The following RSBN1L variants were observed in gnomAD, a reference collection of about 807,000 sequenced individuals.
The protein encoded by RSBN1L is round spermatid basic protein 1 like.
RSBN1L carries 30 observed loss-of-function variants against 67.7 expected under a neutral mutation model. The ratio of observed to expected loss-of-function variants is 0.44; its 90% CI spans 0.33 to 0.60. The LOEUF (loss-of-function observed/expected upper bound fraction) is 0.60, where lower values mean the gene tolerates loss of function less well. Among genes scored for constraint, RSBN1L ranks in the 20% least tolerant of loss-of-function variants. The probability of loss-of-function intolerance (pLI) is 0.02; values close to 1 mark genes in which losing one functional copy is unlikely to be tolerated. For synonymous variants in RSBN1L, 433 were observed against 387.0 expected (o/e 1.12, Z -1.39); for missense variants, 992 against 1,031.7 (o/e 0.96, Z 0.53).
At chr7:77,755,583 CTT>C (rs980648869) in intron 3 of RSBN1L, among the ~76,000 whole-genome samples, 14 of 152,122 alleles carry the variant, frequency 9.2e-5, no homozygotes, top group African/African-American at 3.4e-4. Context: ...GGAAGAATCA[CTT>C]GAGCCCTGGA....
chr7:77,777,476 A>G (rs1791933068), intron 6 of RSBN1L, among the ~76,000 whole-genome samples: 2 of 149,938 alleles, frequency 1.3e-5, no homozygotes, highest in South Asian at 4.2e-4. Flanking sequence ...TTTATTTCAC[A>G]TTTTTTGGAG....
chr7:77,712,406 G>A (rs1790987483), intron 1 of RSBN1L, among the ~76,000 whole-genome samples: 1 of 151,758 alleles, frequency 6.6e-6, no homozygotes, highest in South Asian at 2.1e-4. Flanking sequence ...TCTGCCTCCT[G>A]AGTAGCTGGA....
At chr7:77,751,419 C>T (rs1584295820) in intron 3 of RSBN1L, among the ~76,000 whole-genome samples, 2 of 152,274 alleles carry the variant, frequency 1.3e-5, no homozygotes, top group African/African-American at 2.4e-5. Flanking sequence ...GGATTACAGG[C>T]GTGAGCCACC....
chr7:77,739,739 CTTTTTTTTTTTTTTTTT>C (rs1173154183), intron 2 of RSBN1L, among the ~76,000 whole-genome samples: 3 of 42,690 alleles, frequency 7.0e-5, no homozygotes, highest in African/African-American at 2.9e-4. Flanking sequence ...AAAAATGTGT[CTTTTTTTTTTTTTTTTT>C]TTTTTTTTTT....
At chr7:77,772,437 G>A (rs940663316) in intron 5 of RSBN1L, among the ~76,000 whole-genome samples, 5 of 152,212 alleles carry the variant, frequency 3.3e-5, no homozygotes, top group African/African-American at 1.2e-4. Flanking sequence ...AAACTGGAGA[G>A]GTTTCTGCAA....
intron 1 of RSBN1L, among the ~76,000 whole-genome samples, chr7:77,724,425 C>CTTTTTT (rs1791165846): frequency 6.8e-6 from 1 of 146,906 alleles, no homozygotes; most frequent in East Asian, 2.0e-4. Context: ...CTTTCTTTTT[C>CTTTTTT]TTTTTTCTTT....
intron 2 of RSBN1L, among the ~76,000 whole-genome samples, chr7:77,746,186 T>C (rs1485218214): frequency 6.6e-6 from 1 of 152,164 alleles, no homozygotes; most frequent in African/African-American, 2.4e-5. Context: ...GACTGGGTAA[T>C]TTATAAAGAA....
Position 77,752,242 on chromosome 7 carries a change from A to T in RSBN1L, c.1344+2178A>T, listed in dbSNP as rs149926389. Among the ~76,000 whole-genome samples the T allele has an allele frequency of 1.5e-3, 233 of 152,166 alleles. 1 individual carries two copies. The highest frequency in any genetic ancestry group is 5.5e-3 in the African/African-American group (230 of 41,492). ...CAAAGAGGAAACTCCAGGCAGATGG[A>T]TCCTGTTTTTTACCAGTTGTGGTTC... On this transcript the variant is annotated intron_variant, in intron 3 of 7. Coordinates refer to ENST00000334955, the MANE Select transcript of RSBN1L (RefSeq NM_198467.3).
chr7:77,776,153 T>G (rs1213697896), intron 6 of RSBN1L, among the ~76,000 whole-genome samples: 2 of 152,276 alleles, frequency 1.3e-5, no homozygotes, highest in African/African-American at 2.4e-5. Context: ...TGGTTCACTT[T>G]TTTTATATTC....
At chr7:77,747,916 G>A (rs10237176) in intron 2 of RSBN1L, among the ~76,000 whole-genome samples, 4 of 151,172 alleles carry the variant, frequency 2.6e-5, no homozygotes, top group African/African-American at 7.4e-5. Flanking sequence ...CTTCTCGGGG[G>A]GGAGCTCAGG....
chr7:77,761,967 G>A (rs556639356), intron 3 of RSBN1L, among the ~76,000 whole-genome samples: 52 of 152,164 alleles, frequency 3.4e-4, no homozygotes, highest in African/African-American at 4.6e-4. Context: ...GATCATTGCC[G>A]TTTTGTTTTA....
intron 1 of RSBN1L, among the ~76,000 whole-genome samples, chr7:77,703,177 C>T (rs762387774): frequency 1.3e-5 from 2 of 152,060 alleles, no homozygotes; most frequent in Admixed American, 6.6e-5. Flanking sequence ...TGAGGGATAC[C>T]CCTCATCTTG....
At position 77,765,638 on chromosome 7, in the gene RSBN1L, A is replaced by G; in HGVS notation, c.1482+6A>G. On this transcript the variant is annotated splice_donor_region_variant and intron_variant, in intron 4 of 7. Transcript: ENST00000334955. ...AAGAGTCACCATTTTTAAAAGTAAG[A>G]GACAATCTGTCATGGGATTAGAGTT... 6.3e-7 allele frequency: 1 copy of G among 1,586,686 alleles called. No individual in the cohort carries two copies. Among genetic ancestry groups the G allele is most frequent in the East Asian group, 2.3e-5 (1 of 44,434 alleles).
chr7:77,697,051 C>G lies in RSBN1L; in HGVS notation c.582C>G (p.Pro194=), dbSNP rs1444951447. The G allele has an allele frequency of 6.8e-7, 1 of 1,476,478 alleles. No individual in the cohort carries two copies. The highest frequency in any genetic ancestry group is 1.3e-5 in the South Asian group (1 of 77,182). The allele number at this position is 1,476,478 out of a possible 1,614,324, so 91.5% of individuals were successfully genotyped here. A position where few individuals can be genotyped will look rare whatever the true frequency, so the allele number is the denominator to read the frequency against. The change falls in exon 1 of 8, where the codon CCC becomes CCG. Residue 194 remains proline (P), a synonymous_variant. Coordinates refer to ENST00000334955, the MANE Select transcript of RSBN1L (RefSeq NM_198467.3). ...REENGEVKPL[P]RDKIKDKIKE... ...AGAACGGGGAGGTGAAGCCGCTGCC[C>G]CGAGGTGGGTGCCGTGCGGGGAGGG...
At chr7:77,764,157 A>G (rs1416116659) in intron 3 of RSBN1L, among the ~76,000 whole-genome samples, 1 of 152,204 alleles carries the variant, frequency 6.6e-6, no homozygotes, top group Non-Finnish European at 1.5e-5. Context: ...GAAATACAAG[A>G]CTTTCAGTTT....
chr7:77,715,776 C>T lies in RSBN1L; in HGVS notation c.586+18721C>T, dbSNP rs1294765814. On this transcript the variant is annotated intron_variant, in intron 1 of 7. Coordinates refer to ENST00000334955, the MANE Select transcript of RSBN1L (RefSeq NM_198467.3). ...AAGAAAGAATCCTAACTTGATATTG[C>T]CAGTTTAAAAATCTTCAGCCATTCT... Among the ~76,000 whole-genome samples, 4 of 152,248 alleles carry T rather than the reference C, an allele frequency of 2.6e-5. 1 individual carries two copies. The South Asian group carries it at 8.3e-4, about 32-fold the overall frequency.
chr7:77,729,708 T>A (rs1791250178), intron 1 of RSBN1L, among the ~76,000 whole-genome samples: 1 of 152,180 alleles, frequency 6.6e-6, no homozygotes. Flanking sequence ...ATCCCAGCAC[T>A]TTGGGAGGCT....
At chr7:77,714,721 G>A (rs1222263514) in intron 1 of RSBN1L, among the ~76,000 whole-genome samples, 4 of 152,114 alleles carry the variant, frequency 2.6e-5, no homozygotes, top group Admixed American at 6.6e-5. Flanking sequence ...CCAGCACTTT[G>A]GGAGGCTGAG....
At chr7:77,763,007 A>G (rs1455918315) in intron 3 of RSBN1L, among the ~76,000 whole-genome samples, 1 of 152,214 alleles carries the variant, frequency 6.6e-6, no homozygotes, top group Non-Finnish European at 1.5e-5. Context: ...GTGATGTCAT[A>G]GAATGAACCA....
Sources: allele counts gnomAD v4.1 joint callset (sites outside exome capture counted in the v4.1 genomes callset), GRCh38; gene constraint gnomAD v4.1.1; transcripts MANE v1.5; gene names NCBI Gene and HGNC (gene_info 2026-07-23, HGNC 2026-07-21).